The following COA7 variants were observed in gnomAD, a reference collection of about 807,000 sequenced individuals.
COA7 encodes cytochrome c oxidase assembly factor 7.
A neutral mutation model predicts 21.0 loss-of-function variants in COA7; 12 were observed. The observed-to-expected ratio is 0.57, with a 90% CI of 0.37 to 0.92. COA7 has a LOEUF of 0.92. Ranked by LOEUF, COA7 falls within the 40% of genes least tolerant of loss-of-function variation. The pLI, the probability that COA7 is intolerant of heterozygous loss-of-function variation, is 0.01. For synonymous variants in COA7, 95 were observed against 107.4 expected, an observed-to-expected ratio of 0.88 and a Z score of 0.72; for missense variants, 240 against 286.1, an observed-to-expected ratio of 0.84 and a Z score of 1.16.
rs536642947 is a variant in COA7 at position 52,692,629 on chromosome 1, T to A, written c.247+98A>T. 8.6e-5 allele frequency: 120 copies of A among 1,392,412 alleles called. 2 individuals are homozygous for A. Among genetic ancestry groups the A allele is most frequent in the South Asian group, 6.6e-4 (52 of 78,620 alleles). The allele number at this position is 1,392,412 out of a possible 1,614,324, so 86.3% of individuals were successfully genotyped here. A position where few individuals can be genotyped will look rare whatever the true frequency, so the allele number is the denominator to read the frequency against. On this transcript the variant is annotated intron_variant, in intron 2 of 2. Transcript: ENST00000371538. The stretch of plus-strand genomic sequence containing the variant: ...ATCTTCCTACAATGCACTTTCCCAA[T>A]GCCTGCGAGACCCTTCTGCAAGAGC...
intron 1 of COA7, among the ~76,000 whole-genome samples, chr1:52,697,214 G>A (rs1644090658): frequency 6.6e-6 from 1 of 152,230 alleles, no homozygotes; most frequent in Middle Eastern, 3.4e-3. Flanking sequence ...CCTGGACAAC[G>A]TAGTGACATA....
chr1:52,684,641 CCA>C lies in COA7; in HGVS notation c.*3077_*3078del, dbSNP rs1643988653. ...CTGACACATCATTATCACTCAAAGTCCACAGTTTACATTAGGGTTCACTCTTG... is the reference window on the plus strand; with the variant it reads ...CTGACACATCATTATCACTCAAAGTCCAGTTTACATTAGGGTTCACTCTTG... On this transcript the variant is annotated 3_prime_UTR_variant, in exon 3 of 3. Coordinates refer to ENST00000371538, the MANE Select transcript of COA7 (RefSeq NM_023077.3). 1 of 152,104 alleles carries C rather than the reference CCA, an allele frequency of 6.6e-6. No individual in the cohort carries two copies. Among genetic ancestry groups the C allele is most frequent in the African/African-American group, 2.4e-5 (1 of 41,410 alleles). 9.4% of individuals were successfully genotyped at this position (152,104 alleles called of 1,614,324 possible). A position where few individuals can be genotyped will look rare whatever the true frequency, so the allele number is the denominator to read the frequency against.
rs2149906743 is a variant in COA7 at position 52,698,213 on chromosome 1, C to A, written c.106+8G>T. ...GACGCGTCGCCGGGCTGCGCTGGAG[C>A]CGCTCACCGTCCGGGTCCTTCTCGT... On this transcript the variant is annotated splice_region_variant and intron_variant, in intron 1 of 2. Coordinates refer to ENST00000371538, the MANE Select transcript of COA7 (RefSeq NM_023077.3). 1.2e-6 allele frequency: 2 copies of A among 1,600,382 alleles called. No individual in the cohort carries two copies. Among genetic ancestry groups the A allele is most frequent in the South Asian group, 1.1e-5 (1 of 90,796 alleles).
At chr1:52,695,077 C>G (rs998341631) in intron 1 of COA7, among the ~76,000 whole-genome samples, 1 of 151,692 alleles carries the variant, frequency 6.6e-6, no homozygotes, top group Non-Finnish European at 1.5e-5. Flanking sequence ...GTAGATCACT[C>G]GAGGTCAGGA....
chr1:52,696,912 C>A (rs1644087609), intron 1 of COA7, among the ~76,000 whole-genome samples: 1 of 151,906 alleles, frequency 6.6e-6, no homozygotes. Context: ...GAGTTCGAGA[C>A]CAGCCTGGCC....
chr1:52,692,809 G>C lies in COA7; in HGVS notation c.165C>G (p.Ala55=), dbSNP rs1221109922. The C allele has an allele frequency of 6.2e-7, 1 of 1,613,972 alleles. No homozygotes were observed. The highest frequency in any genetic ancestry group is 8.5e-7 in the Non-Finnish European group (1 of 1,180,020). Residue 55 remains alanine (A), a synonymous_variant, in exon 2 of 3, where the codon GCC becomes GCG. Transcript: ENST00000371538. The stretch of plus-strand genomic sequence containing the variant: ...CTTCACAGTTAAACTTCAACACCTT[G>C]GCAGCCTCATCAAAATTCTTCCGGA... ...EGIRKNFDEA[A]KVLKFNCEEN... is the part of the protein sequence containing the mutation.
In COA7 at chr1:52,687,875, G is replaced by A. The variant is rs1462309247; in HGVS notation, c.541C>T (p.Leu181=). Residue 181 remains leucine, a synonymous_variant, in exon 3 of 3, where the codon CTG becomes TTG. Coordinates refer to ENST00000371538, the MANE Select transcript of COA7 (RefSeq NM_023077.3). ...ACKYSMKACD[L]GHIWACANAS... Reference sequence around the variant, plus strand: ...TTGGCACAGGCCCAGATATGACCCAGGTCACAGGCTTTCATGGAGTATTTA... The same window carrying A: ...TTGGCACAGGCCCAGATATGACCCAAGTCACAGGCTTTCATGGAGTATTTA... 6.2e-7 allele frequency: 1 copy of A among 1,614,120 alleles called. No homozygotes were observed. The highest frequency in any genetic ancestry group is 2.2e-5 in the East Asian group (1 of 44,898).
intron 1 of COA7, among the ~76,000 whole-genome samples, chr1:52,693,681 A>G (rs567250860): frequency 6.6e-6 from 1 of 152,044 alleles, no homozygotes; most frequent in Non-Finnish European, 1.5e-5. Context: ...CAGCCAGGGT[A>G]GGAACATGAA....
Position 52,687,753 on chromosome 1 carries a change from C to T in COA7, c.663G>A (p.Gln221=). 1 of 1,614,246 alleles carries T rather than the reference C, an allele frequency of 6.2e-7. No individual in the cohort carries two copies. The highest frequency in any genetic ancestry group is 8.5e-7 in the Non-Finnish European group (1 of 1,180,040). ...ATGTTAAGGGTTGGACACCTTTCTG[C>T]TGTTCTTTGTGTAGCTGCTGGGCTC... is the stretch of plus-strand genomic sequence containing the variant. ...KNRAQQLHKE[Q]QKGVQPLTFG Residue 221 remains glutamine, a synonymous_variant, in exon 3 of 3, where the codon CAG becomes CAA. Transcript: ENST00000371538.
chr1:52,698,031 C>A, intron 1 of COA7, 190 bp downstream of exon 1: 1 of 577,498 alleles, frequency 1.7e-6, no homozygotes, highest in Non-Finnish European at 3.1e-6. Flanking sequence ...TCTTCCTACC[C>A]GCCCCGGCCT....
Position 52,687,655 on chromosome 1 carries a change from A to C in COA7, c.*65T>G. ...CAGGTTGACCTTCAAGGGCTGCATC[A>C]GTCTTCAGAAACAGGAGCTGCCAGC... On this transcript the variant is annotated 3_prime_UTR_variant, in exon 3 of 3. Transcript: ENST00000371538. The C allele has an allele frequency of 2.7e-6, 4 of 1,506,074 alleles. No homozygotes were observed. Among genetic ancestry groups the C allele is most frequent in the Non-Finnish European group, 3.6e-6 (4 of 1,104,548 alleles). The allele number at this position is 1,506,074 out of a possible 1,614,324, so 93.3% of individuals were successfully genotyped here. A position where few individuals can be genotyped will look rare whatever the true frequency, so the allele number is the denominator to read the frequency against.
chr1:52,692,904 G>A, intron 1 of COA7, 37 bp from the exon 2 acceptor site: 1 of 1,612,626 alleles, frequency 6.2e-7, no homozygotes, highest in Non-Finnish European at 8.5e-7. Flanking sequence ...TTCATGTCTG[G>A]GGCTGCTGCT....
At chr1:52,688,826 G>A (rs1644024916) in intron 2 of COA7, among the ~76,000 whole-genome samples, 1 of 152,214 alleles carries the variant, frequency 6.6e-6, no homozygotes, top group Admixed American at 6.5e-5. Flanking sequence ...TAAAGGAGGT[G>A]AAAATTGGGA....
chr1:52,694,875 G>C (rs1298135024), intron 1 of COA7, among the ~76,000 whole-genome samples: 1 of 152,222 alleles, frequency 6.6e-6, no homozygotes, highest in Non-Finnish European at 1.5e-5. Flanking sequence ...GCTGAACCAA[G>C]GAGGAGGGTC....
chr1:52,688,560 T>C (rs112606662), intron 2 of COA7, among the ~76,000 whole-genome samples: 2,836 of 152,282 alleles, frequency 0.019, 80 homozygotes, highest in African/African-American at 0.063. Flanking sequence ...CAACAATTCC[T>C]GAATAAAGTT....
At chr1:52,697,636 G>T (rs544746535) in intron 1 of COA7, among the ~76,000 whole-genome samples, 1 of 152,110 alleles carries the variant, frequency 6.6e-6, no homozygotes, top group South Asian at 2.1e-4. Flanking sequence ...GCAGTGGCGC[G>T]ATCTCTGCTC....
At chr1:52,693,033 G>A (rs140755176) in intron 1 of COA7, among the ~76,000 whole-genome samples, 166 bp from the exon 2 acceptor site, 64 of 152,218 alleles carry the variant, frequency 4.2e-4, no homozygotes, top group African/African-American at 1.3e-3. Flanking sequence ...GAATGTAGGT[G>A]GTGTTTAGCC....
chr1:52,684,647 T>A lies in COA7; in HGVS notation c.*3073A>T, dbSNP rs909510465. On this transcript the variant is annotated 3_prime_UTR_variant, in exon 3 of 3. Coordinates refer to ENST00000371538, the MANE Select transcript of COA7 (RefSeq NM_023077.3). ...CATCATTATCACTCAAAGTCCACAG[T>A]TTACATTAGGGTTCACTCTTGGTGT... 3.9e-5 allele frequency: 6 copies of A among 152,140 alleles called. No individual in the cohort carries two copies. Among genetic ancestry groups the A allele is most frequent in the Non-Finnish European group, 8.8e-5 (6 of 68,038 alleles). 9.4% of individuals were successfully genotyped at this position (152,140 alleles called of 1,614,324 possible).
rs961876891 is a variant in COA7 at position 52,688,006 on chromosome 1, T to C, written c.410A>G (p.Tyr137Cys). The change falls in exon 3 of 3, where the codon TAC becomes TGC. Residue 137 changes from tyrosine to cysteine, a missense_variant. Coordinates refer to ENST00000371538, the MANE Select transcript of COA7 (RefSeq NM_023077.3). ...GCCACCATCACAGGCCCTTGTGTAG[T>C]AGTCCCTGGCCTTTCCCAAGTCAGG... ...GQPDLGKARDYYTRACDGGYT... is the reference protein window; with the variant it reads ...GQPDLGKARDCYTRACDGGYT... The C allele has an allele frequency of 4.3e-6, 7 of 1,614,070 alleles. No individual in the cohort carries two copies. Among genetic ancestry groups the C allele is most frequent in the Non-Finnish European group, 5.9e-6 (7 of 1,180,052 alleles).
Sources: gnomAD v4.1 joint callset for allele counts (sites outside exome capture counted in the v4.1 genomes callset) on GRCh38, gnomAD v4.1.1 for gene constraint, MANE v1.5 for transcripts, NCBI Gene and HGNC (gene_info 2026-07-23, HGNC 2026-07-21) for gene names.